Variants in IGF1R observed in about 807,000 individuals in gnomAD.
IGF1R encodes the protein insulin like growth factor 1 receptor.
IGF1R carries 44 observed loss-of-function variants against 144.6 expected under a neutral mutation model. That is an observed-to-expected ratio of 0.30 (90% CI 0.24 to 0.39). IGF1R has a LOEUF of 0.39. Among genes scored for constraint, IGF1R ranks in the 10% least tolerant of loss-of-function variants. IGF1R has a pLI of 1.00. For missense variants in IGF1R, 1,355 were observed against 1,833.7 expected, an observed-to-expected ratio of 0.74 and a Z score of 4.77; for synonymous variants, 795 against 722.8, an observed-to-expected ratio of 1.10 and a Z score of -1.60.
rs985377193 is a variant in IGF1R at position 98,959,758 on chromosome 15, G to T, written c.*2316G>T. The stretch of plus-strand genomic sequence containing the variant: ...ACGGTGATTGCTAGTTGTGACTGAA[G>T]ATTCAACACAGAAAAGAAAGTTTAT... On this transcript the variant is annotated 3_prime_UTR_variant, in exon 21 of 21. Transcript: ENST00000650285. The T allele has an allele frequency of 8.6e-6, 2 of 233,148 alleles. No individual in the cohort carries two copies. Among genetic ancestry groups the T allele is most frequent in the Non-Finnish European group, 1.7e-5 (2 of 118,004 alleles). The allele number at this position is 233,148 out of a possible 1,614,324, so 14.4% of individuals were successfully genotyped here.
intron 2 of IGF1R, among the ~76,000 whole-genome samples, chr15:98,786,168 C>T: frequency 6.6e-6 from 1 of 152,186 alleles, no homozygotes. Context: ...TATTCAGTTT[C>T]CCCACCAGTT....
chr15:98,718,043 T>C (rs558031853), intron 2 of IGF1R, among the ~76,000 whole-genome samples: 1 of 152,290 alleles, frequency 6.6e-6, no homozygotes, highest in Admixed American at 6.5e-5. Flanking sequence ...TTAGTTTCAT[T>C]TTCCTCCTCT....
intron 2 of IGF1R, among the ~76,000 whole-genome samples, chr15:98,819,324 T>G (rs2056760017): frequency 6.6e-6 from 1 of 152,176 alleles, no homozygotes. Flanking sequence ...TCTACATGTT[T>G]ATGTTGCCCC....
chr15:98,818,022 A>G (rs768987415), intron 2 of IGF1R, among the ~76,000 whole-genome samples: 5 of 152,114 alleles, frequency 3.3e-5, no homozygotes, highest in Non-Finnish European at 7.4e-5. Context: ...CTACCTTCTC[A>G]CTGTATCCTC....
At chr15:98,897,219 G>C in intron 4 of IGF1R, 1 of 366,754 alleles carries the variant, frequency 2.7e-6, no homozygotes, top group Admixed American at 4.2e-5. Flanking sequence ...GAGACCATTG[G>C]ATCAGACGTG....
chr15:98,672,610 C>A (rs139109644), intron 1 of IGF1R, among the ~76,000 whole-genome samples: 22 of 150,902 alleles, frequency 1.5e-4, no homozygotes, highest in African/African-American at 4.6e-4. Context: ...AGCAAAAGTG[C>A]CTACAGTTCA....
chr15:98,691,827 C>T (rs748640512), intron 1 of IGF1R, among the ~76,000 whole-genome samples: 2 of 152,144 alleles, frequency 1.3e-5, no homozygotes, highest in Non-Finnish European at 2.9e-5. Context: ...CATCTATTTG[C>T]CCCACTGACA....
intron 2 of IGF1R, among the ~76,000 whole-genome samples, chr15:98,749,246 T>C (rs1366562995): frequency 6.6e-6 from 1 of 152,174 alleles, no homozygotes; most frequent in African/African-American, 2.4e-5. Flanking sequence ...TTCTTGTTTC[T>C]GTGCTTACCT....
chr15:98,667,846 C>T (rs895894911), intron 1 of IGF1R, among the ~76,000 whole-genome samples: 2 of 152,024 alleles, frequency 1.3e-5, no homozygotes, highest in East Asian at 1.9e-4. Flanking sequence ...TCATCCTCCC[C>T]TTTTGCTTGT....
intron 3 of IGF1R, 129 bp from the exon 4 acceptor site, chr15:98,896,628 A>G: frequency 2.1e-6 from 2 of 943,326 alleles, no homozygotes; most frequent in Non-Finnish European, 3.2e-6. Context: ...CCACATGAAC[A>G]CTTCAAAACA....
intron 2 of IGF1R, among the ~76,000 whole-genome samples, chr15:98,815,915 T>C (rs149691068): frequency 2.6e-5 from 4 of 152,320 alleles, no homozygotes; most frequent in South Asian, 4.1e-4. Flanking sequence ...ACCTGTTACA[T>C]TGATTCTCAA....
At chr15:98,795,708 G>A (rs893672562) in intron 2 of IGF1R, among the ~76,000 whole-genome samples, 17 of 152,120 alleles carry the variant, frequency 1.1e-4, no homozygotes, top group African/African-American at 4.1e-4. Context: ...GAGCCACTGC[G>A]CCTATTATGT....
intron 18 of IGF1R, among the ~76,000 whole-genome samples, chr15:98,941,242 A>G (rs961428726): frequency 6.6e-6 from 1 of 152,230 alleles, no homozygotes; most frequent in East Asian, 1.9e-4. Flanking sequence ...AAGCAGCAGC[A>G]CGTGCCTGGC....
intron 2 of IGF1R, among the ~76,000 whole-genome samples, chr15:98,853,452 C>T (rs946681652): frequency 2.0e-5 from 3 of 152,152 alleles, no homozygotes; most frequent in African/African-American, 7.2e-5. Flanking sequence ...GAAGCGCAGG[C>T]AAAATGGCAA....
intron 2 of IGF1R, among the ~76,000 whole-genome samples, chr15:98,883,786 C>CCGGG (rs1165396022): frequency 6.6e-6 from 1 of 152,150 alleles, no homozygotes; most frequent in Non-Finnish European, 1.5e-5. Context: ...AAAGTGTTCG[C>CCGGG]CGGGCTGCCT....
At chr15:98,795,866 C>T (rs1045832417) in intron 2 of IGF1R, among the ~76,000 whole-genome samples, 1 of 152,222 alleles carries the variant, frequency 6.6e-6, no homozygotes, top group Non-Finnish European at 1.5e-5. Context: ...GTCACCTGTG[C>T]CTTCTTACCA....
intron 2 of IGF1R, among the ~76,000 whole-genome samples, chr15:98,742,817 G>A (rs1038714898): frequency 3.3e-5 from 5 of 152,194 alleles, no homozygotes; most frequent in Middle Eastern, 6.8e-3. Context: ...AGGCTGAGGC[G>A]GGTGGATCAC....
At chr15:98,691,459 G>A (rs938440143) in intron 1 of IGF1R, among the ~76,000 whole-genome samples, 3 of 151,572 alleles carry the variant, frequency 2.0e-5, no homozygotes, top group Non-Finnish European at 4.4e-5. Context: ...TGCCTCCCAG[G>A]TTCAAGCAAT....
At chr15:98,812,215 T>C (rs2056606338) in intron 2 of IGF1R, among the ~76,000 whole-genome samples, 1 of 152,132 alleles carries the variant, frequency 6.6e-6, no homozygotes, top group Admixed American at 6.5e-5. Flanking sequence ...CGGCTGAAGA[T>C]TGTGTTATCG....
Sources: gnomAD v4.1 joint callset for allele counts (sites outside exome capture counted in the v4.1 genomes callset) on GRCh38, gnomAD v4.1.1 for gene constraint, MANE v1.5 for transcripts, NCBI Gene and HGNC (gene_info 2026-07-23, HGNC 2026-07-21) for gene names.